PRDX3: variants seen among roughly 807,000 people sequenced by gnomAD.
PRDX3 encodes thioredoxin-dependent peroxide reductase, mitochondrial.
In PRDX3, 20 loss-of-function variants were observed where a neutral mutation model predicts 30.4. The ratio of observed to expected loss-of-function variants is 0.66; its 90% confidence interval spans 0.46 to 0.96. The LOEUF (loss-of-function observed/expected upper bound fraction) is 0.96, where lower values mean the gene tolerates loss of function less well. Among genes scored for constraint, PRDX3 ranks in the 40% least tolerant of loss-of-function variants. The pLI is 0.00. For missense variants in PRDX3, 322 were observed against 318.3 expected (o/e 1.01, Z -0.09); for synonymous variants, 124 against 117.8 (o/e 1.05, Z -0.34).
At chr10:119,174,371 G>A (rs1452440902) in intron 3 of PRDX3, 80 bp downstream of exon 3, 1 of 1,457,208 alleles carries the variant, frequency 6.9e-7, no homozygotes, top group African/African-American at 1.4e-5. Context: ...AGGGTATCTA[G>A]GGATAGACAA....
intron 4 of PRDX3, among the ~76,000 whole-genome samples, chr10:119,173,229 C>A (rs1186175378): frequency 6.6e-6 from 1 of 152,184 alleles, no homozygotes; most frequent in East Asian, 1.9e-4. Flanking sequence ...TGAGCCATCA[C>A]GCCCGGCTGC....
At chr10:119,170,905 G>GAA (rs1269162263) in intron 5 of PRDX3, 2 of 104,350 alleles carry the variant, frequency 1.9e-5, no homozygotes, top group African/African-American at 3.7e-5. Flanking sequence ...GAAAAGAAAA[G>GAA]AAAAAAAAAA....
chr10:119,173,642 C>A, intron 4 of PRDX3, 95 bp downstream of exon 4: 1 of 1,389,244 alleles, frequency 7.2e-7, no homozygotes, highest in Non-Finnish European at 9.8e-7. Flanking sequence ...CCAACCCTTG[C>A]GTAATTTGAT....
chr10:119,169,033 C>A (rs1187920434), intron 6 of PRDX3, 144 bp downstream of exon 6: 2 of 850,628 alleles, frequency 2.4e-6, no homozygotes, highest in African/African-American at 3.4e-5. Context: ...ACCCCACCCC[C>A]TCTACCCCAC....
chr10:119,177,880 A>AGT (rs1306004178), intron 1 of PRDX3, among the ~76,000 whole-genome samples: 1 of 43,610 alleles, frequency 2.3e-5, no homozygotes, highest in Non-Finnish European at 3.8e-5. Context: ...TGTTTACTCA[A>AGT]CTTTTTTTTT....
chr10:119,174,260 C>T (rs951347088), intron 3 of PRDX3, among the ~76,000 whole-genome samples, 191 bp downstream of exon 3: 1 of 152,190 alleles, frequency 6.6e-6, no homozygotes, highest in Non-Finnish European at 1.5e-5. Flanking sequence ...GCTGTCCTAC[C>T]CCACCCCCGA....
chr10:119,173,887 T>C lies in PRDX3; in HGVS notation c.312-15A>G, dbSNP rs368586480. On this transcript the variant is annotated splice_polypyrimidine_tract_variant and intron_variant, in intron 3 of 6. Transcript: ENST00000298510. The stretch of plus-strand genomic sequence containing the variant: ...ACACAAAGGTGCTGGAAAAAAAGGA[T>C]AGAAATTCTCATTAGAGCATTTAAA... 18 of 1,595,798 alleles carry C rather than the reference T, an allele frequency of 1.1e-5. No individual in the cohort carries two copies. Among genetic ancestry groups the C allele is most frequent in the Admixed American group, 5.2e-5 (3 of 57,950 alleles).
At chr10:119,172,647 C>T (rs960534367) in intron 4 of PRDX3, among the ~76,000 whole-genome samples, 162 bp from the exon 5 acceptor site, 4 of 152,184 alleles carry the variant, frequency 2.6e-5, no homozygotes, top group African/African-American at 9.7e-5. Flanking sequence ...CTCGAAACCA[C>T]CCTGGAGAAG....
chr10:119,170,905 GAA>G (rs1269162263), intron 5 of PRDX3: 3 of 104,322 alleles, frequency 2.9e-5, no homozygotes, highest in Non-Finnish European at 4.1e-5. Flanking sequence ...GAAAAGAAAA[GAA>G]AAAAAAAAAA....
intron 2 of PRDX3, among the ~76,000 whole-genome samples, chr10:119,176,158 T>TC (rs1233871042): frequency 6.6e-6 from 1 of 152,110 alleles, no homozygotes; most frequent in African/African-American, 2.4e-5. Context: ...ATGCAAGAGA[T>TC]GTGTCAAAAC....
chr10:119,177,901 AAC>A (rs1848077348), intron 1 of PRDX3, among the ~76,000 whole-genome samples: 1 of 119,210 alleles, frequency 8.4e-6, no homozygotes, highest in South Asian at 2.5e-4. Context: ...TTTTTTTTGA[AAC>A]AGAGTCTCGC....
chr10:119,178,729 C>A, intron 1 of PRDX3, 26 bp downstream of exon 1: 1 of 1,550,954 alleles, frequency 6.4e-7, no homozygotes, highest in Non-Finnish European at 8.7e-7. Flanking sequence ...TGTCTCCACG[C>A]CTGTCCCCAG....
rs1189599928 is a variant in PRDX3 at position 119,172,459 on chromosome 10, G to A, written c.474C>T (p.Ile158=). The change falls in exon 5 of 7, where the codon ATC becomes ATT. Residue 158 remains isoleucine (I), a synonymous_variant. Transcript: ENST00000298510. The stretch of plus-strand genomic sequence containing the variant: ...GCTTAGTTAAGTCTGACAAGAGTGC[G>A]ATGTTCATGTGGCCCAAACCACCAT... The part of the protein sequence containing the change: ...RKNGGLGHMN[I]ALLSDLTKQI... The A allele has an allele frequency of 1.1e-5, 17 of 1,614,076 alleles. No homozygotes were observed. The highest frequency in any genetic ancestry group is 1.3e-5 in the Non-Finnish European group (15 of 1,179,934).
chr10:119,177,197 G>T, intron 1 of PRDX3, 44 bp from the exon 2 acceptor site: 2 of 1,603,906 alleles, frequency 1.2e-6, no homozygotes, highest in South Asian at 1.1e-5. Context: ...CTGGACTGGT[G>T]ACTGAAGGCT....
intron 1 of PRDX3, 65 bp from the exon 2 acceptor site, chr10:119,177,218 C>A: frequency 6.4e-7 from 1 of 1,558,424 alleles, no homozygotes. Flanking sequence ...GAAAGGGCAT[C>A]GTGCCAACGG....
intron 1 of PRDX3, 124 bp downstream of exon 1, chr10:119,178,631 C>A: frequency 6.4e-6 from 8 of 1,243,656 alleles, no homozygotes; most frequent in Non-Finnish European, 9.2e-6. Flanking sequence ...GGGTCCGTTA[C>A]CCGCGGAAAC....
intron 2 of PRDX3, among the ~76,000 whole-genome samples, chr10:119,175,252 CAT>C (rs1462873423): frequency 6.6e-5 from 10 of 152,276 alleles, no homozygotes; most frequent in East Asian, 5.8e-4. Context: ...GAAGACAGGA[CAT>C]GTGTGTGGAG....
intron 2 of PRDX3, 21 bp from the exon 3 acceptor site, chr10:119,174,613 A>T (rs745732630): frequency 6.4e-7 from 1 of 1,557,868 alleles, no homozygotes; most frequent in Admixed American, 2.2e-5. Context: ...ACCCACACTC[A>T]TATGGAGTTC....
At position 119,174,196 on chromosome 10, in the gene PRDX3, T is replaced by C. The variant is rs372245624; in HGVS notation, c.311+255A>G. ...CCCCAGACCAGTGAAAACTTTTTCA[T>C]AGACTGGCTTAGGGAAGCAGTGCTC... On this transcript the variant is annotated intron_variant, in intron 3 of 6. Coordinates refer to ENST00000298510, the MANE Select transcript of PRDX3 (RefSeq NM_006793.5). Among the ~76,000 whole-genome samples, 33 of 152,340 alleles carry C rather than the reference T, an allele frequency of 2.2e-4. 1 individual carries two copies. The East Asian group carries it at 3.3e-3, about 15-fold the overall frequency.
Sources: gnomAD v4.1 joint callset for allele counts (sites outside exome capture counted in the v4.1 genomes callset) on GRCh38, gnomAD v4.1.1 for gene constraint, MANE v1.5 for transcripts, NCBI Gene and HGNC (gene_info 2026-07-23, HGNC 2026-07-21) for gene names.